The following CADM1 variants were observed in gnomAD, a reference collection of about 807,000 sequenced individuals.
The protein encoded by CADM1 is cell adhesion molecule 1.
In CADM1, 15 loss-of-function variants were observed where a neutral mutation model predicts 53.1. That is an observed-to-expected ratio of 0.28 (90% CI 0.19 to 0.44). The LOEUF is 0.44. CADM1 is among the 20% of genes least tolerant of loss of function. CADM1 has a pLI of 1.00. For synonymous variants in CADM1, 281 were observed against 243.0 expected, an observed-to-expected ratio of 1.16 and a Z score of -1.45; for missense variants, 434 against 611.3, an observed-to-expected ratio of 0.71 and a Z score of 3.06.
rs556264340 is a variant in CADM1 at position 115,170,146 on chromosome 11, G to T, written c.*6328C>A. 1 of 156,480 alleles carries T rather than the reference G, an allele frequency of 6.4e-6. No homozygotes were observed. Among genetic ancestry groups the T allele is most frequent in the African/African-American group, 2.4e-5 (1 of 41,460 alleles). The allele number at this position is 156,480 out of a possible 1,614,324, so 9.7% of individuals were successfully genotyped here. A position where few individuals can be genotyped will look rare whatever the true frequency, so the allele number is the denominator to read the frequency against. ...CTTAAGGAAGATTTGAGGCGGTCAC[G>T]TCTGAAATATGACTGTGAGCCTGTG... On this transcript the variant is annotated 3_prime_UTR_variant, in exon 12 of 12. Coordinates refer to ENST00000331581, the MANE Select transcript of CADM1 (RefSeq NM_001301043.2).
At chr11:115,401,290 A>G (rs908575437) in intron 1 of CADM1, among the ~76,000 whole-genome samples, 1 of 152,252 alleles carries the variant, frequency 6.6e-6, no homozygotes, top group African/African-American at 2.4e-5. Flanking sequence ...ATCCTGGAAA[A>G]GACAAAACTA....
intron 1 of CADM1, among the ~76,000 whole-genome samples, chr11:115,430,049 A>T (rs1460765974): frequency 6.6e-6 from 1 of 152,234 alleles, no homozygotes; most frequent in Admixed American, 6.5e-5. Flanking sequence ...GTCAAAAAAA[A>T]AATCATACCA....
intron 1 of CADM1, among the ~76,000 whole-genome samples, chr11:115,294,825 A>G (rs972907348): frequency 3.9e-5 from 6 of 152,274 alleles, no homozygotes; most frequent in South Asian, 4.1e-4. Flanking sequence ...ATCTGATGTT[A>G]GGAGTTCAAG....
intron 1 of CADM1, among the ~76,000 whole-genome samples, chr11:115,427,524 TGATAGATGACA>T (rs1219078322): frequency 6.6e-6 from 1 of 152,062 alleles, no homozygotes; most frequent in African/African-American, 2.4e-5. Flanking sequence ...GATGGATAGA[TGATAGATGACA>T]GATAAGATGA....
At chr11:115,214,058 A>G (rs1303179522) in intron 7 of CADM1, among the ~76,000 whole-genome samples, 1 of 129,062 alleles carries the variant, frequency 7.7e-6, no homozygotes, top group Non-Finnish European at 1.9e-5. Flanking sequence ...GATATTAAAA[A>G]AACAGACACA....
At chr11:115,499,090 C>CT (rs1003933370) in intron 1 of CADM1, among the ~76,000 whole-genome samples, 1 of 151,774 alleles carries the variant, frequency 6.6e-6, no homozygotes, top group Non-Finnish European at 1.5e-5. Flanking sequence ...GAAAATAAAA[C>CT]TTTTTTTTCT....
At chr11:115,426,267 G>T (rs1289446926) in intron 1 of CADM1, among the ~76,000 whole-genome samples, 1 of 152,158 alleles carries the variant, frequency 6.6e-6, no homozygotes, top group Non-Finnish European at 1.5e-5. Flanking sequence ...CTCTCTCACA[G>T]ATGATATAAA....
chr11:115,382,419 G>A (rs1198642135), intron 1 of CADM1, among the ~76,000 whole-genome samples: 1 of 152,136 alleles, frequency 6.6e-6, no homozygotes, highest in African/African-American at 2.4e-5. Context: ...GATCAAGAAT[G>A]AGCAAACAAA....
At chr11:115,335,593 C>G (rs1256243613) in intron 1 of CADM1, among the ~76,000 whole-genome samples, 1 of 152,094 alleles carries the variant, frequency 6.6e-6, no homozygotes, top group African/African-American at 2.4e-5. Context: ...AATCTGAAAC[C>G]ACATCAAAGA....
chr11:115,242,773 C>G (rs929888821), intron 1 of CADM1, among the ~76,000 whole-genome samples: 1 of 152,148 alleles, frequency 6.6e-6, no homozygotes, highest in African/African-American at 2.4e-5. Context: ...TGGTGACGGG[C>G]ATTAATCCTT....
intron 1 of CADM1, among the ~76,000 whole-genome samples, chr11:115,464,619 A>G (rs1349862168): frequency 2.6e-5 from 4 of 152,222 alleles, no homozygotes; most frequent in Non-Finnish European, 1.5e-5. Context: ...AAACCAGTGT[A>G]AAGCTAATAG....
intron 1 of CADM1, among the ~76,000 whole-genome samples, chr11:115,281,790 A>G (rs1943591905): frequency 6.6e-6 from 1 of 152,236 alleles, no homozygotes; most frequent in Admixed American, 6.5e-5. Context: ...AAATAAAAAG[A>G]ATGTACTTTT....
intron 1 of CADM1, among the ~76,000 whole-genome samples, chr11:115,428,524 A>AC (rs1254761435): frequency 6.6e-6 from 1 of 151,936 alleles, no homozygotes; most frequent in Non-Finnish European, 1.5e-5. Flanking sequence ...TTGCTCATGA[A>AC]CCCCCATCTG....
intron 1 of CADM1, chr11:115,397,299 A>T (rs965894296): frequency 3.3e-5 from 5 of 152,146 alleles, no homozygotes; most frequent in Non-Finnish European, 7.4e-5. Flanking sequence ...AATACACAAC[A>T]TTCCAAGATA....
At chr11:115,397,064 C>T (rs1947018832) in intron 1 of CADM1, 1 of 151,956 alleles carries the variant, frequency 6.6e-6, no homozygotes, top group Non-Finnish European at 1.5e-5. Flanking sequence ...TAATTAGCAG[C>T]TACATGGAAA....
At chr11:115,393,558 G>GA (rs35434663) in intron 1 of CADM1, among the ~76,000 whole-genome samples, 46,644 of 139,944 alleles carry the variant, frequency 0.33, 8,322 homozygotes, top group Non-Finnish European at 0.43. Flanking sequence ...AACAGTATCT[G>GA]AAAAAAAAAA....
At chr11:115,390,631 T>G (rs1027854409) in intron 1 of CADM1, among the ~76,000 whole-genome samples, 1 of 139,454 alleles carries the variant, frequency 7.2e-6, no homozygotes, top group Non-Finnish European at 1.5e-5. Context: ...CATTTTCTAA[T>G]AGGTTCCCGG....
At chr11:115,293,393 A>AC in intron 1 of CADM1, among the ~76,000 whole-genome samples, 1 of 152,146 alleles carries the variant, frequency 6.6e-6, no homozygotes, top group Non-Finnish European at 1.5e-5. Context: ...AGATGGCGCC[A>AC]CTGCACCCCA....
chr11:115,356,508 T>G (rs1950668699), intron 1 of CADM1, among the ~76,000 whole-genome samples: 1 of 152,098 alleles, frequency 6.6e-6, no homozygotes, highest in Non-Finnish European at 1.5e-5. Context: ...TGATAAATAT[T>G]TTTTGAATGA....
Sources: allele counts gnomAD v4.1 joint callset (sites outside exome capture counted in the v4.1 genomes callset), GRCh38; gene constraint gnomAD v4.1.1; transcripts MANE v1.5; gene names NCBI Gene and HGNC (gene_info 2026-07-23, HGNC 2026-07-21).